The following MCTP1 variants were observed in gnomAD, a reference collection of about 807,000 sequenced individuals.
The protein encoded by MCTP1 is multiple C2 and transmembrane domain containing 1.
MCTP1 carries 69 observed loss-of-function variants against 120.6 expected under a neutral mutation model. That is an observed-to-expected ratio of 0.57 (90% CI 0.47 to 0.70). The LOEUF (loss-of-function observed/expected upper bound fraction) is 0.70. MCTP1 is among the 30% of genes least tolerant of loss of function. The probability of loss-of-function intolerance (pLI) is 0.00; values close to 1 mark genes in which losing one functional copy is unlikely to be tolerated. For missense variants in MCTP1, 1,203 were observed against 1,248.8 expected, an observed-to-expected ratio of 0.96 and a Z score of 0.55; for synonymous variants, 529 against 493.1, an observed-to-expected ratio of 1.07 and a Z score of -0.96.
intron 1 of MCTP1, among the ~76,000 whole-genome samples, chr5:95,164,081 T>C (rs1002189338): frequency 2.6e-5 from 4 of 152,162 alleles, no homozygotes; most frequent in Admixed American, 6.5e-5. Context: ...CATTACTTCA[T>C]AGCTAGGCAG....
At chr5:95,215,672 A>C (rs1752963855) in intron 1 of MCTP1, among the ~76,000 whole-genome samples, 1 of 151,640 alleles carries the variant, frequency 6.6e-6, no homozygotes, top group Non-Finnish European at 1.5e-5. Context: ...TTTCTGCCTG[A>C]AATATGGATA....
intron 19 of MCTP1, among the ~76,000 whole-genome samples, chr5:94,721,176 G>A (rs919900272): frequency 2.2e-4 from 33 of 152,318 alleles, no homozygotes; most frequent in Admixed American, 1.5e-3. Flanking sequence ...AAAATCTTGA[G>A]CAAGAGAATG....
At chr5:94,949,199 T>C (rs1355234066) in intron 3 of MCTP1, among the ~76,000 whole-genome samples, 1 of 152,220 alleles carries the variant, frequency 6.6e-6, no homozygotes, top group East Asian at 1.9e-4. Flanking sequence ...TCTTCTACTG[T>C]AATTCTGGCA....
chr5:94,921,270 T>C (rs1361943344), intron 7 of MCTP1, among the ~76,000 whole-genome samples: 1 of 152,232 alleles, frequency 6.6e-6, no homozygotes, highest in African/African-American at 2.4e-5. Flanking sequence ...TAAGATAGTG[T>C]TTTGATGAAT....
chr5:95,084,187 T>C (rs1323660082), intron 1 of MCTP1, among the ~76,000 whole-genome samples: 1 of 152,130 alleles, frequency 6.6e-6, no homozygotes, highest in African/African-American at 2.4e-5. Flanking sequence ...TCTTGTAAAA[T>C]AAAAATGAAT....
intron 1 of MCTP1, among the ~76,000 whole-genome samples, chr5:95,112,004 C>T (rs893909799): frequency 6.6e-6 from 1 of 152,160 alleles, no homozygotes; most frequent in Non-Finnish European, 1.5e-5. Flanking sequence ...TGTACTCCAG[C>T]ATATAATGCA....
intron 17 of MCTP1, among the ~76,000 whole-genome samples, chr5:94,840,096 T>A (rs1024117818): frequency 6.6e-6 from 1 of 152,152 alleles, no homozygotes; most frequent in Non-Finnish European, 1.5e-5. Flanking sequence ...TGAATTAACC[T>A]GGAATCACCG....
At chr5:95,115,710 A>G (rs1757778296) in intron 1 of MCTP1, among the ~76,000 whole-genome samples, 1 of 152,166 alleles carries the variant, frequency 6.6e-6, no homozygotes, top group Admixed American at 6.5e-5. Flanking sequence ...ATAGAGGTAG[A>G]AAGTTTATTC....
intron 19 of MCTP1, among the ~76,000 whole-genome samples, chr5:94,736,969 G>C (rs144481684): frequency 0.017 from 2,548 of 152,208 alleles, 30 homozygotes; most frequent in Non-Finnish European, 0.026. Context: ...CTGACTTCAT[G>C]ATGCTTATAG....
At chr5:95,186,184 A>T (rs1409183006) in intron 1 of MCTP1, among the ~76,000 whole-genome samples, 1 of 151,844 alleles carries the variant, frequency 6.6e-6, no homozygotes, top group Non-Finnish European at 1.5e-5. Context: ...AGATATTCAG[A>T]CTGGGAAAGA....
intron 2 of MCTP1, among the ~76,000 whole-genome samples, chr5:95,004,575 C>T (rs1245769433): frequency 1.3e-5 from 2 of 152,216 alleles, no homozygotes; most frequent in Admixed American, 6.5e-5. Context: ...CAGGACATGG[C>T]ACCCTGCGTC....
intron 19 of MCTP1, among the ~76,000 whole-genome samples, chr5:94,744,212 G>A (rs1766332388): frequency 6.6e-6 from 1 of 152,194 alleles, no homozygotes; most frequent in South Asian, 2.1e-4. Context: ...GATCCGAAGT[G>A]ATCCACCCAC....
At chr5:95,114,202 G>A (rs1757654613) in intron 1 of MCTP1, among the ~76,000 whole-genome samples, 1 of 152,198 alleles carries the variant, frequency 6.6e-6, no homozygotes, top group South Asian at 2.1e-4. Flanking sequence ...GTGAGACTAA[G>A]CACATTCTCA....
At chr5:95,125,071 T>C (rs559706056) in intron 1 of MCTP1, among the ~76,000 whole-genome samples, 32 of 152,294 alleles carry the variant, frequency 2.1e-4, no homozygotes, top group African/African-American at 7.7e-4. Context: ...GGTCAAGGAT[T>C]TTTCAACACT....
chr5:94,961,293 G>T (rs1363059855), intron 2 of MCTP1, among the ~76,000 whole-genome samples: 1 of 151,818 alleles, frequency 6.6e-6, no homozygotes, highest in Non-Finnish European at 1.5e-5. Flanking sequence ...ACAAGGGGAG[G>T]GATAGCATTA....
At chr5:94,720,262 A>G (rs1238294825) in intron 19 of MCTP1, among the ~76,000 whole-genome samples, 1 of 152,072 alleles carries the variant, frequency 6.6e-6, no homozygotes, top group East Asian at 1.9e-4. Context: ...ACAAAAAATA[A>G]AATAAATTAC....
At chr5:94,973,382 A>G (rs1827338654) in intron 2 of MCTP1, among the ~76,000 whole-genome samples, 1 of 152,174 alleles carries the variant, frequency 6.6e-6, no homozygotes, top group Non-Finnish European at 1.5e-5. Context: ...AAGATTGTAT[A>G]CTAGGGAAGC....
At chr5:94,992,215 C>T (rs1456570698) in intron 2 of MCTP1, among the ~76,000 whole-genome samples, 1 of 152,126 alleles carries the variant, frequency 6.6e-6, no homozygotes, top group Non-Finnish European at 1.5e-5. Flanking sequence ...CAAATCCTTG[C>T]AGTTCTCATT....
intron 18 of MCTP1, among the ~76,000 whole-genome samples, chr5:94,783,324 A>G (rs1326123963): frequency 6.6e-6 from 1 of 152,134 alleles, no homozygotes; most frequent in African/African-American, 2.4e-5. Context: ...GTGGCCATAC[A>G]TTTAAAAAAT....
Sources: allele counts gnomAD v4.1 joint callset (sites outside exome capture counted in the v4.1 genomes callset), GRCh38; gene constraint gnomAD v4.1.1; transcripts MANE v1.5; gene names NCBI Gene and HGNC (gene_info 2026-07-23, HGNC 2026-07-21).